THEMIS: variants seen among roughly 807,000 people sequenced by gnomAD.
THEMIS encodes thymocyte selection associated, also known as protein THEMIS.
A neutral mutation model predicts 52.6 loss-of-function variants in THEMIS; 37 were observed. The observed-to-expected ratio is 0.70, with a 90% confidence interval of 0.54 to 0.93. The LOEUF is 0.93. THEMIS is among the 40% of genes least tolerant of loss of function. The probability of loss-of-function intolerance (pLI) is 0.00; values close to 1 mark genes in which losing one functional copy is unlikely to be tolerated. For missense variants in THEMIS, 808 were observed against 763.1 expected (o/e 1.06, Z -0.69); for synonymous variants, 292 against 272.7 (o/e 1.07, Z -0.70).
chr6:127,841,687 A>G (rs1314532572), intron 2 of THEMIS, among the ~76,000 whole-genome samples: 1 of 150,282 alleles, frequency 6.7e-6, no homozygotes, highest in Non-Finnish European at 1.5e-5. Flanking sequence ...AAGGATGCAG[A>G]GAAATAATCT....
rs1045667575 is a variant in THEMIS at position 127,719,897 on chromosome 6, C to T, written c.1759-74G>A. On this transcript the variant is annotated intron_variant, in intron 4 of 5. Transcript: ENST00000368248. ...TCATAGAGATATGAAAGATTTATCA[C>T]ATGGCAATTCATTTCTGTATGTCTG... The T allele has an allele frequency of 5.2e-6, 8 of 1,538,866 alleles. No individual in the cohort carries two copies. The African/African-American group carries it at 9.8e-5, about 19-fold the overall frequency.
At chr6:127,867,747 T>A (rs1196705889) in intron 1 of THEMIS, among the ~76,000 whole-genome samples, 1 of 152,174 alleles carries the variant, frequency 6.6e-6, no homozygotes, top group Non-Finnish European at 1.5e-5. Flanking sequence ...GAAAGGCATG[T>A]ATATTTCATT....
At chr6:127,878,112 G>T (rs1780369512) in intron 1 of THEMIS, among the ~76,000 whole-genome samples, 1 of 152,122 alleles carries the variant, frequency 6.6e-6, no homozygotes, top group African/African-American at 2.4e-5. Context: ...TAGAATAATG[G>T]TTTTTAGTAA....
In THEMIS at chr6:127,821,528, C is replaced by G. The variant is rs1020725897; in HGVS notation, c.710-7597G>C. ...ATGTTTTCTTGTTATCCAAAGGGAGCTCCTGTGAAAAACAATTTCCATTCC... is the reference window on the plus strand; with the variant it reads ...ATGTTTTCTTGTTATCCAAAGGGAGGTCCTGTGAAAAACAATTTCCATTCC... On this transcript the variant is annotated intron_variant, in intron 3 of 5. Coordinates refer to ENST00000368248, the MANE Select transcript of THEMIS (RefSeq NM_001010923.3). Among the ~76,000 whole-genome samples the G allele has an allele frequency of 1.6e-4, 24 of 152,164 alleles. No homozygotes were observed. In the South Asian group the frequency reaches 2.5e-3, roughly 16 times the overall value.
intron 1 of THEMIS, among the ~76,000 whole-genome samples, chr6:127,859,045 T>C (rs955343407): frequency 1.3e-5 from 2 of 152,090 alleles, no homozygotes; most frequent in African/African-American, 2.4e-5. Context: ...GCCAAAACAA[T>C]TGGTTCAATA....
chr6:127,813,642 C>A lies in THEMIS; in HGVS notation c.999G>T (p.Leu333Phe). Residue 333 changes from leucine (L) to phenylalanine (F), a missense_variant, in exon 4 of 6, where the codon TTG becomes TTT. Physicochemically the swap from Leu to Phe is conservative, Grantham distance 22. Coordinates refer to ENST00000368248, the MANE Select transcript of THEMIS (RefSeq NM_001010923.3). ...IRSNFPKRHFLIPTSYKGKFK... is the reference protein window; with the variant it reads ...IRSNFPKRHFFIPTSYKGKFK... ...ACTTGCCTTTATAGCTAGTGGGGATCAAGAAGTGTCTTTTAGGAAAATTGC... is the reference window on the plus strand; with the variant it reads ...ACTTGCCTTTATAGCTAGTGGGGATAAAGAAGTGTCTTTTAGGAAAATTGC... 6.2e-7 allele frequency: 1 copy of A among 1,614,118 alleles called. No individual in the cohort carries two copies. The highest frequency in any genetic ancestry group is 8.5e-7 in the Non-Finnish European group (1 of 1,180,000).
At chr6:127,852,353 A>G (rs903851379) in intron 2 of THEMIS, among the ~76,000 whole-genome samples, 11 of 151,560 alleles carry the variant, frequency 7.3e-5, no homozygotes, top group African/African-American at 2.7e-4. Flanking sequence ...TACACAAAGA[A>G]ATAGAAGACT....
chr6:127,791,509 T>C (rs796386056), intron 4 of THEMIS, among the ~76,000 whole-genome samples: 6 of 152,252 alleles, frequency 3.9e-5, no homozygotes, highest in African/African-American at 1.4e-4. Flanking sequence ...TGAGCAGTCA[T>C]GGGAGGCCCC....
At chr6:127,896,892 A>G (rs1380238570) in intron 1 of THEMIS, among the ~76,000 whole-genome samples, 2 of 151,510 alleles carry the variant, frequency 1.3e-5, no homozygotes, top group African/African-American at 4.8e-5. Flanking sequence ...TATTAAATAT[A>G]ATCTAATAGA....
At chr6:127,893,037 C>T (rs1780858768) in intron 1 of THEMIS, among the ~76,000 whole-genome samples, 1 of 151,966 alleles carries the variant, frequency 6.6e-6, no homozygotes, top group Non-Finnish European at 1.5e-5. Flanking sequence ...AAATATTCCC[C>T]TTGTGTAGAG....
intron 4 of THEMIS, among the ~76,000 whole-genome samples, chr6:127,751,607 A>C (rs762593325): frequency 3.9e-4 from 59 of 151,854 alleles, no homozygotes; most frequent in Non-Finnish European, 8.1e-4. Context: ...AATAAAAATA[A>C]AAGTGTAAAT....
intron 3 of THEMIS, among the ~76,000 whole-genome samples, chr6:127,828,417 G>A (rs538076434): frequency 1.3e-5 from 2 of 152,028 alleles, no homozygotes; most frequent in Non-Finnish European, 2.9e-5. Context: ...GAAAAGGTAG[G>A]CAAAAGAGTA....
At chr6:127,699,609 T>G in the THEMIS span, among the ~76,000 whole-genome samples, 2 of 151,562 alleles carry the variant, frequency 1.3e-5, no homozygotes, top group Non-Finnish European at 3.0e-5. Context: ...AGAACAGAGA[T>G]ATCAGAAATA....
At chr6:127,703,113 T>C (rs1022687904), downstream of THEMIS, among the ~76,000 whole-genome samples, 1 of 130,662 alleles carries the variant, frequency 7.7e-6, no homozygotes, top group East Asian at 2.4e-4. Context: ...AGTGGCGGGA[T>C]CTCGGCTCAC....
chr6:127,862,515 A>G (rs552845945), intron 1 of THEMIS, among the ~76,000 whole-genome samples: 3 of 143,152 alleles, frequency 2.1e-5, no homozygotes, highest in African/African-American at 7.9e-5. Context: ...CACCTCCTAC[A>G]TTCAAGTGAT....
At chr6:127,839,105 G>A (rs1778962265) in intron 2 of THEMIS, among the ~76,000 whole-genome samples, 1 of 151,796 alleles carries the variant, frequency 6.6e-6, no homozygotes, top group Non-Finnish European at 1.5e-5. Flanking sequence ...TCTCTCAAGA[G>A]GCAACATAGT....
At chr6:127,706,927 G>A (rs936238919), downstream of THEMIS, among the ~76,000 whole-genome samples, 22 of 152,018 alleles carry the variant, frequency 1.4e-4, no homozygotes, top group African/African-American at 5.3e-4. Context: ...TGCTAATAAA[G>A]GTATACCCAA....
chr6:127,864,544 C>G (rs937419849), intron 1 of THEMIS, among the ~76,000 whole-genome samples: 1 of 151,938 alleles, frequency 6.6e-6, no homozygotes, highest in Non-Finnish European at 1.5e-5. Context: ...ATGAGTTGGG[C>G]CTGATTTGAA....
At chr6:127,880,106 AAAAT>A (rs1780435601) in intron 1 of THEMIS, among the ~76,000 whole-genome samples, 10 of 152,182 alleles carry the variant, frequency 6.6e-5, no homozygotes, top group Admixed American at 6.5e-4. Context: ...CTTTGAATGA[AAAAT>A]TTGATGGCTG....
Sources: allele counts gnomAD v4.1 joint callset (sites outside exome capture counted in the v4.1 genomes callset), GRCh38; gene constraint gnomAD v4.1.1; transcripts MANE v1.5; gene names NCBI Gene and HGNC (gene_info 2026-07-23, HGNC 2026-07-21).